Variants in CYP39A1 observed in about 807,000 individuals in gnomAD.
CYP39A1 encodes 24-hydroxycholesterol 7-alpha-hydroxylase.
A neutral mutation model predicts 58.1 loss-of-function variants in CYP39A1; 49 were observed. The observed-to-expected ratio is 0.84, with a 90% CI of 0.67 to 1.07. The LOEUF (loss-of-function observed/expected upper bound fraction) is 1.07, where lower values mean the gene tolerates loss of function less well. CYP39A1 is among the 50% of genes least tolerant of loss of function. The probability of loss-of-function intolerance (pLI) is 0.00; values close to 1 mark genes in which losing one functional copy is unlikely to be tolerated. For synonymous variants in CYP39A1, 209 were observed against 187.6 expected, an observed-to-expected ratio of 1.11 and a Z score of -0.93; for missense variants, 531 against 539.4, an observed-to-expected ratio of 0.98 and a Z score of 0.16.
chr6:46,631,906 A>T (rs1168303974), intron 5 of CYP39A1, among the ~76,000 whole-genome samples: 2 of 152,170 alleles, frequency 1.3e-5, no homozygotes, highest in Admixed American at 1.3e-4. Context: ...CATGGGAAAA[A>T]ATTCAGACAC....
At chr6:46,638,220 C>G (rs1776113239) in intron 3 of CYP39A1, among the ~76,000 whole-genome samples, 1 of 152,162 alleles carries the variant, frequency 6.6e-6, no homozygotes, top group Non-Finnish European at 1.5e-5. Flanking sequence ...TCTAAACAAG[C>G]TTATTAGACT....
intron 7 of CYP39A1, among the ~76,000 whole-genome samples, chr6:46,603,918 A>G (rs985702566): frequency 1.3e-4 from 20 of 152,186 alleles, no homozygotes; most frequent in South Asian, 1.0e-3. Context: ...GAATTTTACA[A>G]TACTATAAAT....
At chr6:46,638,006 C>T in intron 3 of CYP39A1, 28 bp from the exon 4 acceptor site, 1 of 1,579,084 alleles carries the variant, frequency 6.3e-7, no homozygotes, top group South Asian at 1.2e-5. Context: ...CACAAAAAGT[C>T]AGACCCGAAG....
At chr6:46,643,148 T>C (rs1776447111) in intron 1 of CYP39A1, among the ~76,000 whole-genome samples, 2 of 152,072 alleles carry the variant, frequency 1.3e-5, no homozygotes, top group African/African-American at 2.4e-5. Context: ...TCTATGACCT[T>C]GTTGGGAAAA....
At chr6:46,557,865 G>C (rs1770736982) in intron 10 of CYP39A1, among the ~76,000 whole-genome samples, 1 of 148,936 alleles carries the variant, frequency 6.7e-6, no homozygotes, top group African/African-American at 2.5e-5. Context: ...GAACTCCGGA[G>C]GCAGAGTTTG....
intron 10 of CYP39A1, among the ~76,000 whole-genome samples, chr6:46,580,576 G>T (rs1772076277): frequency 6.6e-6 from 1 of 152,244 alleles, no homozygotes; most frequent in African/African-American, 2.4e-5. Flanking sequence ...ACAATCTACA[G>T]AATGGGAGAA....
chr6:46,629,774 T>C (rs1054500314), intron 6 of CYP39A1, among the ~76,000 whole-genome samples: 1 of 152,224 alleles, frequency 6.6e-6, no homozygotes, highest in Non-Finnish European at 1.5e-5. Context: ...TCCTGTTTAG[T>C]AGAAAACAAG....
intron 7 of CYP39A1, among the ~76,000 whole-genome samples, chr6:46,609,107 A>G (rs1241656448): frequency 1.3e-5 from 2 of 151,962 alleles, no homozygotes; most frequent in Non-Finnish European, 2.9e-5. Context: ...CGAATAGAAA[A>G]ATCAATTTTA....
rs140905155 is a variant in CYP39A1, at chr6:46,609,533, G to A, written c.932-13413C>T. 2.0e-3 allele frequency among the ~76,000 whole-genome samples: 301 copies of A among 152,220 alleles called. 1 individual carries two copies. The highest frequency in any genetic ancestry group is 7.1e-3 in the African/African-American group (295 of 41,540). On this transcript the variant is annotated intron_variant, in intron 7 of 11. Transcript: ENST00000275016. ...ATCTTTTTTGAAAAGAGTAGAATGGGTCCCTGGAGATTAGTTATGTCTTGT... is the reference window on the plus strand; with the variant it reads ...ATCTTTTTTGAAAAGAGTAGAATGGATCCCTGGAGATTAGTTATGTCTTGT...
At chr6:46,639,393 T>C in intron 3 of CYP39A1, 101 bp downstream of exon 3, 1 of 1,164,256 alleles carries the variant, frequency 8.6e-7, no homozygotes, top group Non-Finnish European at 1.2e-6. Context: ...TAGGTAGATT[T>C]CATTAATCAA....
At chr6:46,558,740 A>G (rs564933012) in intron 10 of CYP39A1, among the ~76,000 whole-genome samples, 4 of 152,074 alleles carry the variant, frequency 2.6e-5, no homozygotes, top group Non-Finnish European at 5.9e-5. Flanking sequence ...GCTCATGCCT[A>G]TAATCCCAGC....
At chr6:46,594,499 A>G (rs1272854122) in intron 8 of CYP39A1, among the ~76,000 whole-genome samples, 1 of 152,096 alleles carries the variant, frequency 6.6e-6, no homozygotes, top group African/African-American at 2.4e-5. Context: ...GCCCCAGAAT[A>G]AATACACACA....
At chr6:46,642,441 A>C in intron 1 of CYP39A1, 143 bp from the exon 2 acceptor site, 1 of 756,976 alleles carries the variant, frequency 1.3e-6, no homozygotes. Flanking sequence ...ATAAATTTTG[A>C]TTGTTTCAGC....
chr6:46,564,322 T>G (rs370667283), intron 10 of CYP39A1, among the ~76,000 whole-genome samples: 19 of 151,950 alleles, frequency 1.3e-4, no homozygotes, highest in East Asian at 1.2e-3. Context: ...GCCTCCCAAG[T>G]AGCTGGGATT....
rs148449745 is a variant in CYP39A1 at position 46,625,494 on chromosome 6, T to C, written c.855A>G (p.Thr285=). ...LSNAVPVAFW[T]LAYVLSHPDI... The stretch of plus-strand genomic sequence containing the variant: ...CAGGATGAGAAAGGACGTATGCAAG[T>C]GTCCAAAATGCAACCTTAAAAAGAA... The change falls in exon 7 of 12, where the codon ACA becomes ACG. Residue 285 remains threonine, a synonymous_variant. Transcript: ENST00000275016. The C allele has an allele frequency of 3.5e-5, 56 of 1,608,540 alleles. No homozygotes were observed. In the African/African-American group the frequency reaches 5.1e-4, roughly 15 times the overall value.
rs772166443 is a variant in CYP39A1 at position 46,587,180 on chromosome 6, C to G, written c.1162-15G>C. ...TTCCAACGTTCCTGTGGGAAGAAAA[C>G]ATTTTTTTTTCCAAATCAGCCTTAT... On this transcript the variant is annotated splice_polypyrimidine_tract_variant and intron_variant, in intron 9 of 11. Transcript: ENST00000275016. 42 of 1,556,896 alleles carry G rather than the reference C, an allele frequency of 2.7e-5. No individual in the cohort carries two copies. Among genetic ancestry groups the G allele is most frequent in the Non-Finnish European group, 3.7e-5 (42 of 1,133,710 alleles).
chr6:46,631,236 T>C (rs558208976), intron 5 of CYP39A1, among the ~76,000 whole-genome samples, 166 bp from the exon 6 acceptor site: 1 of 152,276 alleles, frequency 6.6e-6, no homozygotes, highest in Non-Finnish European at 1.5e-5. Context: ...TACTGTAGTA[T>C]AGTAATTAGG....
chr6:46,607,592 G>A (rs979448290), intron 7 of CYP39A1, among the ~76,000 whole-genome samples: 14 of 151,874 alleles, frequency 9.2e-5, no homozygotes, highest in African/African-American at 3.4e-4. Context: ...ATAACTTTGG[G>A]GAAATAATCC....
At chr6:46,635,051 G>T (rs948298853) in intron 5 of CYP39A1, among the ~76,000 whole-genome samples, 1 of 152,152 alleles carries the variant, frequency 6.6e-6, no homozygotes, top group African/African-American at 2.4e-5. Flanking sequence ...CCTTTATTCA[G>T]GAAGGAGATA....
Sources: allele counts gnomAD v4.1 joint callset (sites outside exome capture counted in the v4.1 genomes callset), GRCh38; gene constraint gnomAD v4.1.1; transcripts MANE v1.5; gene names NCBI Gene and HGNC (gene_info 2026-07-23, HGNC 2026-07-21).